The following TLN2 variants were observed in gnomAD, a reference collection of about 807,000 sequenced individuals.
The protein encoded by TLN2 is talin 2.
Under a neutral mutation model 294.7 loss-of-function variants are expected in TLN2, and 118 were observed. The observed-to-expected ratio is 0.40, with a 90% CI of 0.34 to 0.47. The LOEUF is 0.47. TLN2 is among the 20% of genes least tolerant of loss of function. The probability of loss-of-function intolerance (pLI) is 0.84; values close to 1 mark genes in which losing one functional copy is unlikely to be tolerated. For synonymous variants in TLN2, 1,431 were observed against 1,304.5 expected (o/e 1.10, Z -2.09); for missense variants, 3,083 against 3,282.2 (o/e 0.94, Z 1.48).
chr15:62,584,632 A>G (rs995202986), intron 1 of TLN2, among the ~76,000 whole-genome samples: 5 of 152,168 alleles, frequency 3.3e-5, no homozygotes, highest in African/African-American at 1.2e-4. Flanking sequence ...GCTGGACTCT[A>G]ATCATTGGGC....
intron 35 of TLN2, 143 bp from the exon 36 acceptor site, chr15:62,753,630 T>G: frequency 2.2e-6 from 2 of 927,838 alleles, no homozygotes; most frequent in Non-Finnish European, 3.1e-6. Context: ...CCCTTATTGG[T>G]GAGCGGGATG....
At chr15:62,762,240 C>T (rs2030040) in intron 38 of TLN2, 32 bp from the exon 39 acceptor site, 1 of 1,612,470 alleles carries the variant, frequency 6.2e-7, no homozygotes, top group Non-Finnish European at 8.5e-7. Context: ...GTCTTCGACC[C>T]TGACTTTGAT....
chr15:62,603,695 G>A lies in TLN2; in HGVS notation c.-162+13933G>A, dbSNP rs150268327. Among the ~76,000 whole-genome samples the A allele has an allele frequency of 7.2e-5, 11 of 152,298 alleles. No individual in the cohort carries two copies. In the East Asian group the frequency reaches 2.1e-3, roughly 29 times the overall value. Reference sequence around the variant, plus strand: ...CAAAGCAGGATGTCTACAGACTACTGGGATTGAACAGAGCTTTGGAGCAAG... The same window carrying A: ...CAAAGCAGGATGTCTACAGACTACTAGGATTGAACAGAGCTTTGGAGCAAG... On this transcript the variant is annotated intron_variant, in intron 2 of 58. Transcript: ENST00000636159.
At chr15:62,400,914 C>G (rs1036194439) in intron 1 of TLN2, among the ~76,000 whole-genome samples, 2 of 145,642 alleles carry the variant, frequency 1.4e-5, no homozygotes, top group Non-Finnish European at 3.0e-5. Context: ...TTCCTGGGTT[C>G]AAGCCGTTGT....
chr15:62,428,283 T>G (rs1234332579), intron 1 of TLN2, among the ~76,000 whole-genome samples: 1 of 152,220 alleles, frequency 6.6e-6, no homozygotes, highest in Non-Finnish European at 1.5e-5. Context: ...TTAACACCGG[T>G]GACAGCTGAC....
chr15:62,410,726 A>T (rs2033724907), intron 1 of TLN2, among the ~76,000 whole-genome samples: 1 of 152,204 alleles, frequency 6.6e-6, no homozygotes. Context: ...CATCTGGCAC[A>T]TGTGGGAGTT....
chr15:62,531,420 G>A (rs2041035348), intron 1 of TLN2, among the ~76,000 whole-genome samples: 1 of 152,184 alleles, frequency 6.6e-6, no homozygotes, highest in Non-Finnish European at 1.5e-5. Context: ...TTGGGGAGAT[G>A]ATGGTCAAAG....
rs1170143321 is a variant in TLN2 at position 62,707,105 on chromosome 15, C to T, written c.2024C>T (p.Ala675Val). Residue 675 changes from alanine (A) to valine (V), a missense_variant, in exon 20 of 59, where the codon GCC (alanine) becomes GTC (valine). Transcript: ENST00000636159. ...TCTTAGGATGTTTTAATGAGTTTGGCCAAAGCTGTTGCCAATGCAGCTGCC... is the reference window on the plus strand; with the variant it reads ...TCTTAGGATGTTTTAATGAGTTTGGTCAAAGCTGTTGCCAATGCAGCTGCC... ...ERFQDVLMSL[A>V]KAVANAAAML... The T allele has an allele frequency of 5.0e-6, 8 of 1,613,478 alleles. No homozygotes were observed. Among genetic ancestry groups the T allele is most frequent in the East Asian group, 2.2e-5 (1 of 44,856 alleles).
At chr15:62,626,079 C>G (rs2049263798) in intron 3 of TLN2, among the ~76,000 whole-genome samples, 1 of 152,130 alleles carries the variant, frequency 6.6e-6, no homozygotes, top group Non-Finnish European at 1.5e-5. Flanking sequence ...TAATGACTTG[C>G]AAGCATTAGG....
chr15:62,398,398 C>T (rs1351251368), intron 1 of TLN2, among the ~76,000 whole-genome samples: 1 of 152,008 alleles, frequency 6.6e-6, no homozygotes, highest in African/African-American at 2.4e-5. Context: ...TTATAAATTA[C>T]CCAGTCTTGG....
chr15:62,700,413 A>G (rs905699911), intron 16 of TLN2, among the ~76,000 whole-genome samples: 1 of 152,212 alleles, frequency 6.6e-6, no homozygotes, highest in Non-Finnish European at 1.5e-5. Flanking sequence ...TTATAGGTTC[A>G]AATAAACGTA....
chr15:62,454,978 C>T (rs1027019845), intron 1 of TLN2, among the ~76,000 whole-genome samples: 3 of 152,188 alleles, frequency 2.0e-5, no homozygotes, highest in Admixed American at 1.3e-4. Context: ...TTTTCCTCCC[C>T]CCGGGGGGCT....
intron 3 of TLN2, among the ~76,000 whole-genome samples, chr15:62,640,759 G>A (rs773215981): frequency 3.9e-5 from 6 of 152,224 alleles, no homozygotes; most frequent in East Asian, 3.9e-4. Flanking sequence ...GTGTGACTGC[G>A]ATAAGAATAA....
intron 1 of TLN2, among the ~76,000 whole-genome samples, chr15:62,542,693 G>T (rs1025544756): frequency 6.6e-6 from 1 of 152,094 alleles, no homozygotes; most frequent in Non-Finnish European, 1.5e-5. Context: ...TCAATCCAGG[G>T]ATTCGTGTTG....
intron 2 of TLN2, among the ~76,000 whole-genome samples, chr15:62,598,464 A>G (rs2046726587): frequency 6.6e-6 from 1 of 151,998 alleles, no homozygotes. Flanking sequence ...ATTCTAAAGA[A>G]TTCTGCTGTG....
At chr15:62,397,376 G>A (rs1300565250) in intron 1 of TLN2, among the ~76,000 whole-genome samples, 1 of 152,074 alleles carries the variant, frequency 6.6e-6, no homozygotes, top group Non-Finnish European at 1.5e-5. Flanking sequence ...TCCTGCCTCG[G>A]CCTCCTGTGA....
chr15:62,745,215 G>A (rs914820643), intron 32 of TLN2, among the ~76,000 whole-genome samples: 2 of 152,080 alleles, frequency 1.3e-5, no homozygotes, highest in African/African-American at 2.4e-5. Flanking sequence ...GAAACTGAGA[G>A]TAGATAGATA....
intron 19 of TLN2, among the ~76,000 whole-genome samples, chr15:62,705,419 A>G (rs2058995964): frequency 1.3e-5 from 2 of 152,182 alleles, no homozygotes; most frequent in Admixed American, 6.5e-5. Flanking sequence ...TGGCTATATA[A>G]TAGTGGTCTT....
intron 3 of TLN2, among the ~76,000 whole-genome samples, chr15:62,621,206 A>G (rs902180734): frequency 6.6e-6 from 1 of 152,060 alleles, no homozygotes; most frequent in African/African-American, 2.4e-5. Flanking sequence ...TATTATATTT[A>G]TTTGTTTACC....
Sources: gnomAD v4.1 joint callset for allele counts (sites outside exome capture counted in the v4.1 genomes callset) on GRCh38, gnomAD v4.1.1 for gene constraint, MANE v1.5 for transcripts, NCBI Gene and HGNC (gene_info 2026-07-23, HGNC 2026-07-21) for gene names.